The following LEFTY1 variants were observed in gnomAD, a reference collection of about 807,000 sequenced individuals.
LEFTY1 encodes left-right determination factor B.
A neutral mutation model predicts 22.6 loss-of-function variants in LEFTY1; 18 were observed. That is an observed-to-expected ratio of 0.80 (90% CI 0.55 to 1.18). The LOEUF (loss-of-function observed/expected upper bound fraction) is 1.18. Among genes scored for constraint, LEFTY1 ranks in the 50% most tolerant of loss-of-function variants. The probability of loss-of-function intolerance (pLI) is 0.00; values close to 1 mark genes in which losing one functional copy is unlikely to be tolerated. For synonymous variants in LEFTY1, 201 were observed against 231.5 expected, an observed-to-expected ratio of 0.87 and a Z score of 1.20; for missense variants, 414 against 495.4, an observed-to-expected ratio of 0.84 and a Z score of 1.56.
Position 225,886,285 on chromosome 1 carries a change from A to G in LEFTY1, c.*442T>C, listed in dbSNP as rs1273735600. ...AAAATAGAAAATTACAAAATTATAG[A>G]ATAAAATGTGTTTTATTCATGTTTT... On this transcript the variant is annotated 3_prime_UTR_variant, in exon 4 of 4. Transcript: ENST00000272134. 3 of 153,506 alleles carry G rather than the reference A, an allele frequency of 2.0e-5. No individual in the cohort carries two copies. Among genetic ancestry groups the G allele is most frequent in the African/African-American group, 7.2e-5 (3 of 41,504 alleles). 9.5% of individuals were successfully genotyped at this position (153,506 alleles called of 1,614,324 possible). A position where few individuals can be genotyped will look rare whatever the true frequency, so the allele number is the denominator to read the frequency against.
chr1:225,886,582 C>T lies in LEFTY1; in HGVS notation c.*145G>A, dbSNP rs1025677804. On this transcript the variant is annotated 3_prime_UTR_variant, in exon 4 of 4. Transcript: ENST00000272134. Reference sequence around the variant, plus strand: ...GAGAAGCAAAAATTAGGTGAGGTAACTTGTCAGAGGAAGCAAATTCAGGGC... The same window carrying T: ...GAGAAGCAAAAATTAGGTGAGGTAATTTGTCAGAGGAAGCAAATTCAGGGC... The T allele has an allele frequency of 6.8e-7, 1 of 1,473,300 alleles. No individual in the cohort carries two copies. The highest frequency in any genetic ancestry group is 9.0e-7 in the Non-Finnish European group (1 of 1,113,168). 91.3% of individuals were successfully genotyped at this position (1,473,300 alleles called of 1,614,324 possible).
chr1:225,887,411 A>G lies in LEFTY1; in HGVS notation c.725T>C (p.Leu242Pro), dbSNP rs893525849. Reference protein sequence around the residue: ...EPQLELHTLDLGDYGAQGDCD... With the variant: ...EPQLELHTLDPGDYGAQGDCD... ...CCTCAGCACCTACCCATAGTCCCCAAGGTCCAGGGTGTGCAGCTCCAGCTG... is the reference window on the plus strand; with the variant it reads ...CCTCAGCACCTACCCATAGTCCCCAGGGTCCAGGGTGTGCAGCTCCAGCTG... Residue 242 changes from leucine (L) to proline (P), a missense_variant, in exon 3 of 4, where the codon CTT (leucine) becomes CCT (proline). Physicochemically the swap from Leu to Pro is moderately conservative, Grantham distance 98. Around this residue, in one of 2 missense-constraint regions of LEFTY1, gnomAD observed 398 missense variants for 454.7 expected, o/e 0.88. Transcript: ENST00000272134. 10 of 1,613,502 alleles carry G rather than the reference A, an allele frequency of 6.2e-6. No individual in the cohort carries two copies. Among genetic ancestry groups the G allele is most frequent in the African/African-American group, 4.0e-5 (3 of 74,936 alleles).
At position 225,886,952 on chromosome 1, in the gene LEFTY1, C is replaced by A. The variant is rs370502283; in HGVS notation, c.876G>T (p.Glu292Asp). The A allele has an allele frequency of 4.5e-5, 72 of 1,612,914 alleles. No individual in the cohort carries two copies. The highest frequency in any genetic ancestry group is 5.9e-5 in the Non-Finnish European group (70 of 1,179,342). The change falls in exon 4 of 4, where the codon GAG (glutamate) becomes GAT (aspartate). Residue 292 changes from glutamate to aspartate, a missense_variant. Around this residue, in one of 2 missense-constraint regions of LEFTY1, gnomAD observed 398 missense variants for 454.7 expected, o/e 0.88. Transcript: ENST00000272134. ...GGGGCTGCCGGCAGGTGCCCACACACTCATAAGCCAGGAAGCCCGGGGGCT... is the reference window on the plus strand; with the variant it reads ...GGGGCTGCCGGCAGGTGCCCACACAATCATAAGCCAGGAAGCCCGGGGGCT... ...VLEPPGFLAY[E>D]CVGTCRQPPE...
intron 1 of LEFTY1, among the ~76,000 whole-genome samples, chr1:225,888,340 G>A (rs1432498867): frequency 6.6e-6 from 1 of 151,324 alleles, no homozygotes; most frequent in Non-Finnish European, 1.5e-5. Flanking sequence ...GAGGCGAGAG[G>A]CTGCAGGAGG....
At chr1:225,888,665 C>G in intron 1 of LEFTY1, 152 bp downstream of exon 1, 3 of 1,057,644 alleles carry the variant, frequency 2.8e-6, no homozygotes, top group Non-Finnish European at 4.0e-6. Context: ...GCCATCCTCA[C>G]AGGCCCGGCC....
Position 225,888,941 on chromosome 1 carries a change from G to A in LEFTY1, c.126C>T (p.Thr42=), listed in dbSNP as rs760423978. ...GCTCCTCCATGTCGGCCCTGTCCAGGGTGGGCACCTCTTTGAGCTGCAGCT... is the reference window on the plus strand; with the variant it reads ...GCTCCTCCATGTCGGCCCTGTCCAGAGTGGGCACCTCTTTGAGCTGCAGCT... ...LRQLQLKEVP[T]LDRADMEELV... is the part of the protein sequence containing the mutation. Residue 42 remains threonine, a synonymous_variant, in exon 1 of 4, where the codon ACC becomes ACT. Transcript: ENST00000272134. 6.2e-7 allele frequency: 1 copy of A among 1,611,578 alleles called. No homozygotes were observed. The highest frequency in any genetic ancestry group is 8.5e-7 in the Non-Finnish European group (1 of 1,179,316).
chr1:225,888,386 C>CA (rs777171562), intron 1 of LEFTY1, among the ~76,000 whole-genome samples: 8 of 152,132 alleles, frequency 5.3e-5, no homozygotes, highest in Non-Finnish European at 1.0e-4. Context: ...AGGCCCGCTG[C>CA]ACCCCTGACA....
chr1:225,889,000 T>A lies in LEFTY1; in HGVS notation c.67A>T (p.Thr23Ser). The change falls in exon 1 of 4, where the codon ACC becomes TCC. Residue 23 changes from threonine (T) to serine (S), a missense_variant. Around this residue, in one of 2 missense-constraint regions of LEFTY1, gnomAD observed 398 missense variants for 454.7 expected, o/e 0.88. Coordinates refer to ENST00000272134, the MANE Select transcript of LEFTY1 (RefSeq NM_020997.4). ...LPLASPGAAL[T>S]GEQLLGSLLR... is the part of the protein sequence containing the mutation. Reference sequence around the variant, plus strand: ...AGGCTGCCCAGGAGCTGCTCCCCGGTCAGGGCGGCCCCGGGGCTGGCCAGG... The same window carrying A: ...AGGCTGCCCAGGAGCTGCTCCCCGGACAGGGCGGCCCCGGGGCTGGCCAGG... 2 of 1,564,826 alleles carry A rather than the reference T, an allele frequency of 1.3e-6. No individual in the cohort carries two copies. Among genetic ancestry groups the A allele is most frequent in the Non-Finnish European group, 1.7e-6 (2 of 1,155,734 alleles).
rs774110236 is a variant in LEFTY1, at chr1:225,886,941, G to C, written c.887C>G (p.Thr296Ser). Residue 296 changes from threonine to serine, a missense_variant, in exon 4 of 4, where the codon ACC becomes AGC. Physicochemically the swap from Thr to Ser is moderately conservative, Grantham distance 58 (BLOSUM62 1). Coordinates refer to ENST00000272134, the MANE Select transcript of LEFTY1 (RefSeq NM_020997.4). ...CAGGGCCTCCGGGGGCTGCCGGCAGGTGCCCACACACTCATAAGCCAGGAA... is the reference window on the plus strand; with the variant it reads ...CAGGGCCTCCGGGGGCTGCCGGCAGCTGCCCACACACTCATAAGCCAGGAA... ...PGFLAYECVG[T>S]CRQPPEALAF... 3 of 1,613,770 alleles carry C rather than the reference G, an allele frequency of 1.9e-6. No individual in the cohort carries two copies. Among genetic ancestry groups the C allele is most frequent in the South Asian group, 2.2e-5 (2 of 91,064 alleles).
rs1163422038 is a variant in LEFTY1, at chr1:225,888,874, GCAGGGCCACGTACTGGGCCCTCA to G, written c.170_192del (p.Val57AlafsTer188). ...GAGCGGTCCCCGTGGCTGCGCTGCA[GCAGGGCCACGTACTGGGCCCTCA>G]CGTGGGTGGGGATGACCAGCTCCTC... On this transcript the variant is annotated frameshift_variant, in exon 1 of 4. Transcript: ENST00000272134. LOFTEE classifies it high-confidence loss of function. 1 of 1,613,276 alleles carries G rather than the reference GCAGGGCCACGTACTGGGCCCTCA, an allele frequency of 6.2e-7. No homozygotes were observed.
chr1:225,888,666 A>G (rs929866156), intron 1 of LEFTY1, 151 bp downstream of exon 1: 34 of 1,056,938 alleles, frequency 3.2e-5, no homozygotes, highest in Non-Finnish European at 4.5e-5. Context: ...CCATCCTCAC[A>G]GGCCCGGCCC....
Sources: allele counts gnomAD v4.1 joint callset (sites outside exome capture counted in the v4.1 genomes callset), GRCh38; gene constraint gnomAD v4.1.1; regional missense constraint gnomAD v4.1.1; transcripts MANE v1.5; gene names NCBI Gene and HGNC (gene_info 2026-07-23, HGNC 2026-07-21).